Variants in EPG5 observed in about 807,000 individuals in gnomAD.
EPG5 encodes the protein ectopic P-granules 5 autophagy tethering factor, also known as ectopic P granules protein 5 homolog.
A neutral mutation model predicts 302.7 loss-of-function variants in EPG5; 159 were observed. That is an observed-to-expected ratio of 0.53 (90% CI 0.46 to 0.60). The LOEUF (loss-of-function observed/expected upper bound fraction) is 0.60. Ranked by LOEUF, EPG5 falls within the 20% of genes least tolerant of loss-of-function variation. The probability of loss-of-function intolerance (pLI) is 0.00; values close to 1 mark genes in which losing one functional copy is unlikely to be tolerated. For synonymous variants in EPG5, 1,158 were observed against 1,136.8 expected (o/e 1.02, Z -0.37); for missense variants, 2,896 against 3,092.4 (o/e 0.94, Z 1.51).
chr18:45,932,168 A>T (rs2050409481), intron 11 of EPG5, among the ~76,000 whole-genome samples: 1 of 152,156 alleles, frequency 6.6e-6, no homozygotes, highest in Non-Finnish European at 1.5e-5. Flanking sequence ...ATTCAAACTT[A>T]CAATGTTTAA....
In EPG5 at chr18:45,913,744, C is replaced by G; in HGVS notation, c.3778G>C (p.Val1260Leu). Residue 1260 changes from valine to leucine, a missense_variant, in exon 21 of 44, where the codon GTG (valine) becomes CTG (leucine). Physicochemically the swap from Val to Leu is conservative, Grantham distance 32. Coordinates refer to ENST00000282041, the MANE Select transcript of EPG5 (RefSeq NM_020964.3). ...QLRRVIEGEL[V>L]INSAFTPDQA... The stretch of plus-strand genomic sequence containing the variant: ...TCAGGGGTGAAAGCAGAGTTTATCA[C>G]CAATTCCCCTTCAATAACTCTCCGG... 6.2e-7 allele frequency: 1 copy of G among 1,614,142 alleles called. No individual in the cohort carries two copies. The highest frequency in any genetic ancestry group is 8.5e-7 in the Non-Finnish European group (1 of 1,180,006).
intron 14 of EPG5, among the ~76,000 whole-genome samples, 166 bp downstream of exon 14, chr18:45,925,572 T>A (rs1402209608): frequency 6.6e-6 from 1 of 152,270 alleles, no homozygotes; most frequent in Non-Finnish European, 1.5e-5. Context: ...TAGTTGCTCA[T>A]TCTGCAAAAG....
chr18:45,904,223 G>A, intron 24 of EPG5, 106 bp from the exon 25 acceptor site: 1 of 1,293,410 alleles, frequency 7.7e-7, no homozygotes, highest in Non-Finnish European at 1.1e-6. Context: ...AACACGAAGT[G>A]GTCTACTCCA....
intron 27 of EPG5, among the ~76,000 whole-genome samples, chr18:45,890,787 CA>C (rs1384903125): frequency 1.3e-5 from 2 of 152,116 alleles, no homozygotes; most frequent in Non-Finnish European, 2.9e-5. Flanking sequence ...GCAACACAAA[CA>C]CAGAACTGAC....
At chr18:45,916,716 T>C in intron 17 of EPG5, 134 bp from the exon 18 acceptor site, 2 of 885,002 alleles carry the variant, frequency 2.3e-6, no homozygotes, top group Non-Finnish European at 3.3e-6. Context: ...TAAGAAGGGA[T>C]TCTAGAAGAA....
chr18:45,806,723 G>T, the EPG5 span, among the ~76,000 whole-genome samples: 2 of 152,186 alleles, frequency 1.3e-5, no homozygotes, highest in Non-Finnish European at 1.5e-5. Flanking sequence ...TTGTGAGCTC[G>T]CTGGGTCCCC....
intron 36 of EPG5, among the ~76,000 whole-genome samples, chr18:45,869,021 C>T (rs919229137): frequency 6.7e-6 from 1 of 149,242 alleles, no homozygotes; most frequent in Non-Finnish European, 1.5e-5. Flanking sequence ...TGCCACTGCA[C>T]TCCAGCCTGG....
At chr18:45,839,495 A>G in the EPG5 span, among the ~76,000 whole-genome samples, 1 of 152,078 alleles carries the variant, frequency 6.6e-6, no homozygotes, top group African/African-American at 2.4e-5. Flanking sequence ...GAATACACTG[A>G]TGAATATGGC....
intron 1 of EPG5, among the ~76,000 whole-genome samples, chr18:45,964,846 G>C (rs1027723699): frequency 6.6e-6 from 1 of 152,092 alleles, no homozygotes; most frequent in Admixed American, 6.5e-5. Flanking sequence ...CCAGCTACTC[G>C]GGAGGCTGAG....
At chr18:45,922,902 A>G (rs2050189910) in intron 15 of EPG5, among the ~76,000 whole-genome samples, 1 of 152,230 alleles carries the variant, frequency 6.6e-6, no homozygotes, top group Non-Finnish European at 1.5e-5. Flanking sequence ...GAGGTCTCAT[A>G]TATAGCGCTT....
chr18:45,801,986 G>T, the EPG5 span, among the ~76,000 whole-genome samples: 1 of 151,892 alleles, frequency 6.6e-6, no homozygotes. Flanking sequence ...TCTGATGGCG[G>T]AAGGGTTGAC....
At chr18:45,827,324 G>C in the EPG5 span, among the ~76,000 whole-genome samples, 1 of 152,228 alleles carries the variant, frequency 6.6e-6, no homozygotes, top group Non-Finnish European at 1.5e-5. Flanking sequence ...GAACCCAGGT[G>C]TGTGGGGCTT....
intron 12 of EPG5, 100 bp from the exon 13 acceptor site, chr18:45,929,109 C>A: frequency 1.6e-6 from 2 of 1,231,288 alleles, no homozygotes; most frequent in Non-Finnish European, 1.1e-6. Context: ...AAGAATCTTA[C>A]ATTGAGCCTT....
At chr18:45,818,054 T>C in the EPG5 span, among the ~76,000 whole-genome samples, 1 of 152,214 alleles carries the variant, frequency 6.6e-6, no homozygotes, top group Non-Finnish European at 1.5e-5. Flanking sequence ...CTATATAGAC[T>C]ATTCTATACC....
At chr18:45,815,493 C>T in the EPG5 span, among the ~76,000 whole-genome samples, 2 of 151,702 alleles carry the variant, frequency 1.3e-5, no homozygotes, top group African/African-American at 4.8e-5. Context: ...TATACATCAA[C>T]AGCAACCAAG....
chr18:45,915,255 G>A lies in EPG5; in HGVS notation c.3693+256C>T, dbSNP rs184613118. On this transcript the variant is annotated intron_variant, in intron 20 of 43. Coordinates refer to ENST00000282041, the MANE Select transcript of EPG5 (RefSeq NM_020964.3). ...ATCGCGCCATTGCACTCCAGCCTGG[G>A]CAACAAGAGCAAAACTCCATCTCAA... Among the ~76,000 whole-genome samples, 912 of 151,858 alleles carry A rather than the reference G, an allele frequency of 6.0e-3. 9 individuals are homozygous for A. Among genetic ancestry groups the A allele is most frequent in the African/African-American group, 0.021 (876 of 41,360 alleles).
chr18:45,870,516 C>G (rs757821621), intron 36 of EPG5, 51 bp downstream of exon 36: 2 of 1,540,976 alleles, frequency 1.3e-6, no homozygotes, highest in Non-Finnish European at 1.8e-6. Context: ...CCAGGCTGCT[C>G]CCTAGAAGCC....
chr18:45,915,941 G>A (rs1205510663), intron 19 of EPG5, 68 bp downstream of exon 19: 3 of 1,378,070 alleles, frequency 2.2e-6, no homozygotes, highest in Non-Finnish European at 3.0e-6. Flanking sequence ...GTACTTGGGG[G>A]AATCTTTTTA....
intron 4 of EPG5, 60 bp from the exon 5 acceptor site, chr18:45,949,651 G>A: frequency 2.6e-6 from 3 of 1,157,132 alleles, no homozygotes; most frequent in South Asian, 1.4e-5. Flanking sequence ...TTTATCTAGG[G>A]GTCTAGTAAA....
Sources: gnomAD v4.1 joint callset for allele counts (sites outside exome capture counted in the v4.1 genomes callset) on GRCh38, gnomAD v4.1.1 for gene constraint, MANE v1.5 for transcripts, NCBI Gene and HGNC (gene_info 2026-07-23, HGNC 2026-07-21) for gene names.